Variants in PDSS2 observed in about 807,000 individuals in gnomAD.
PDSS2 encodes all trans-polyprenyl-diphosphate synthase PDSS2.
PDSS2 carries 31 observed loss-of-function variants against 44.5 expected under a neutral mutation model. The ratio of observed to expected loss-of-function variants is 0.70; its 90% CI spans 0.52 to 0.94. The LOEUF is 0.94. Among genes scored for constraint, PDSS2 ranks in the 40% least tolerant of loss-of-function variants. PDSS2 has a pLI of 0.00. For synonymous variants in PDSS2, 157 were observed against 180.3 expected, an observed-to-expected ratio of 0.87 and a Z score of 1.03; for missense variants, 452 against 482.2, an observed-to-expected ratio of 0.94 and a Z score of 0.59.
At chr6:107,304,616 CAT>C (rs1050762020) in intron 2 of PDSS2, among the ~76,000 whole-genome samples, 2 of 152,186 alleles carry the variant, frequency 1.3e-5, no homozygotes, top group Non-Finnish European at 1.5e-5. Context: ...AACAATAGCA[CAT>C]GTGTCAAAGT....
At chr6:107,349,181 C>T (rs1437562758) in intron 1 of PDSS2, among the ~76,000 whole-genome samples, 1 of 152,194 alleles carries the variant, frequency 6.6e-6, no homozygotes, top group Non-Finnish European at 1.5e-5. Flanking sequence ...GCCTGTAATT[C>T]CAGCGCTTTG....
intron 1 of PDSS2, among the ~76,000 whole-genome samples, chr6:107,400,448 G>A (rs965711514): frequency 6.6e-6 from 1 of 152,196 alleles, no homozygotes; most frequent in Admixed American, 6.5e-5. Flanking sequence ...CCTCTTTGTG[G>A]GACTGGACTG....
chr6:107,365,154 TA>T (rs1562490438), intron 1 of PDSS2, among the ~76,000 whole-genome samples: 1 of 152,150 alleles, frequency 6.6e-6, no homozygotes, highest in East Asian at 1.9e-4. Context: ...TTAAATTTTA[TA>T]AAAGATATGA....
intron 1 of PDSS2, among the ~76,000 whole-genome samples, chr6:107,413,430 G>C (rs1213990534): frequency 6.6e-6 from 1 of 152,176 alleles, no homozygotes; most frequent in African/African-American, 2.4e-5. Context: ...CAGCTACCTG[G>C]GAGGCTGAGG....
At chr6:107,173,055 C>T (rs1180069688) in intron 7 of PDSS2, among the ~76,000 whole-genome samples, 13 of 146,832 alleles carry the variant, frequency 8.9e-5, no homozygotes, top group South Asian at 4.3e-4. Context: ...ACCCAGGAGG[C>T]GGAAGTTGCA....
chr6:107,236,467 C>CA (rs373182358), intron 4 of PDSS2, among the ~76,000 whole-genome samples: 24,601 of 98,250 alleles, frequency 0.25, 2,170 homozygotes, highest in South Asian at 0.3. Flanking sequence ...GACTCTGTCT[C>CA]AAAAAAAAAA....
At chr6:107,293,382 A>G (rs1401032374) in intron 2 of PDSS2, among the ~76,000 whole-genome samples, 1 of 152,192 alleles carries the variant, frequency 6.6e-6, no homozygotes, top group African/African-American at 2.4e-5. Flanking sequence ...ACAGTTTTAC[A>G]TGAAAAGGTT....
At chr6:107,386,709 A>G (rs752549644) in intron 1 of PDSS2, among the ~76,000 whole-genome samples, 1 of 152,236 alleles carries the variant, frequency 6.6e-6, no homozygotes, top group Admixed American at 6.5e-5. Flanking sequence ...AAGCTATACT[A>G]CTTTATCAAT....
rs1318563572 is a variant in PDSS2, at chr6:107,306,850, T to C, written c.431+27348A>G. ...AAACAGAAACAGTGACATCTGAAAA[T>C]GCCCCTTTCACCTCAGAAAATGTGT... On this transcript the variant is annotated intron_variant, in intron 2 of 7. Transcript: ENST00000369037. 3.3e-5 allele frequency among the ~76,000 whole-genome samples: 5 copies of C among 152,220 alleles called. 1 individual carries two copies. In the East Asian group the frequency reaches 7.7e-4, roughly 23 times the overall value.
intron 1 of PDSS2, among the ~76,000 whole-genome samples, chr6:107,414,438 A>G (rs1780599116): frequency 6.6e-6 from 1 of 152,326 alleles, no homozygotes; most frequent in African/African-American, 2.4e-5. Context: ...CATGAAGTAC[A>G]TTTTCTCCAA....
chr6:107,279,092 T>C (rs913930251), intron 2 of PDSS2, among the ~76,000 whole-genome samples: 1 of 152,084 alleles, frequency 6.6e-6, no homozygotes, highest in Non-Finnish European at 1.5e-5. Flanking sequence ...TGGTGGCGCA[T>C]GTCTGTAATC....
intron 4 of PDSS2, among the ~76,000 whole-genome samples, chr6:107,235,320 A>G (rs893944075): frequency 6.6e-6 from 1 of 152,228 alleles, no homozygotes; most frequent in South Asian, 2.1e-4. Context: ...ACTAAAGTCC[A>G]GGGAAAGAAT....
chr6:107,364,333 C>A (rs1023246138), intron 1 of PDSS2, among the ~76,000 whole-genome samples: 1 of 152,160 alleles, frequency 6.6e-6, no homozygotes, highest in African/African-American at 2.4e-5. Flanking sequence ...CACAGGAGCC[C>A]ATGGAGTGGG....
At chr6:107,347,683 C>T (rs561725574) in intron 1 of PDSS2, among the ~76,000 whole-genome samples, 1 of 152,232 alleles carries the variant, frequency 6.6e-6, no homozygotes, top group South Asian at 2.1e-4. Context: ...AAATAGCTGA[C>T]TGAATGGCTA....
chr6:107,402,086 C>A (rs767351121), intron 1 of PDSS2, among the ~76,000 whole-genome samples: 8 of 152,074 alleles, frequency 5.3e-5, no homozygotes, highest in Non-Finnish European at 1.2e-4. Flanking sequence ...CGAGACCAGT[C>A]TGGTCAACAT....
At chr6:107,327,418 A>C (rs930578736) in intron 2 of PDSS2, among the ~76,000 whole-genome samples, 1 of 152,228 alleles carries the variant, frequency 6.6e-6, no homozygotes, top group Non-Finnish European at 1.5e-5. Flanking sequence ...AGTGTAGTAG[A>C]AAAAGGAATT....
intron 2 of PDSS2, among the ~76,000 whole-genome samples, chr6:107,327,315 C>T (rs1163494277): frequency 6.6e-6 from 1 of 152,162 alleles, no homozygotes; most frequent in African/African-American, 2.4e-5. Flanking sequence ...TTAAGGGTAA[C>T]ACAAACTCAG....
chr6:107,175,668 T>G (rs974692875), intron 7 of PDSS2, among the ~76,000 whole-genome samples: 1 of 152,180 alleles, frequency 6.6e-6, no homozygotes, highest in African/African-American at 2.4e-5. Context: ...CTGCAACACA[T>G]ATATATTTTC....
intron 1 of PDSS2, among the ~76,000 whole-genome samples, chr6:107,444,497 T>C (rs146667457): frequency 2.0e-4 from 31 of 152,330 alleles, no homozygotes; most frequent in African/African-American, 6.0e-4. Flanking sequence ...CCTAAATTCC[T>C]GGACGGCAGC....
Sources: gnomAD v4.1 joint callset for allele counts (sites outside exome capture counted in the v4.1 genomes callset) on GRCh38, gnomAD v4.1.1 for gene constraint, MANE v1.5 for transcripts, NCBI Gene and HGNC (gene_info 2026-07-23, HGNC 2026-07-21) for gene names.